ENPP1: variants seen among roughly 807,000 people sequenced by gnomAD.
ENPP1 encodes ectonucleotide pyrophosphatase/phosphodiesterase 1, also known as ectonucleotide pyrophosphatase/phosphodiesterase family member 1.
A neutral mutation model predicts 122.8 loss-of-function variants in ENPP1; 73 were observed. The observed-to-expected ratio is 0.59, with a 90% CI of 0.49 to 0.72. The LOEUF is 0.72. Ranked by LOEUF, ENPP1 falls within the 30% of genes least tolerant of loss-of-function variation. The pLI is 0.00. For missense variants in ENPP1, 978 were observed against 1,128.1 expected (o/e 0.87, Z 1.91); for synonymous variants, 367 against 391.6 (o/e 0.94, Z 0.74).
At chr6:131,812,123 TG>T (rs766140650) in intron 1 of ENPP1, among the ~76,000 whole-genome samples, 4 of 152,216 alleles carry the variant, frequency 2.6e-5, no homozygotes, top group Non-Finnish European at 5.9e-5. Flanking sequence ...CTAGCTATTA[TG>T]ATGAGTTTTT....
At chr6:131,869,219 A>T in intron 12 of ENPP1, 139 bp from the exon 13 acceptor site, 2 of 782,298 alleles carry the variant, frequency 2.6e-6, no homozygotes, top group Non-Finnish European at 4.3e-6. Context: ...ATTCTGTCTT[A>T]CCTATCAGAT....
At chr6:131,887,503 C>T (rs1056551862) in intron 24 of ENPP1, among the ~76,000 whole-genome samples, 1 of 150,242 alleles carries the variant, frequency 6.7e-6, no homozygotes, top group African/African-American at 2.5e-5. Flanking sequence ...CACCATTCTC[C>T]TGCCTCAGCC....
chr6:131,857,193 C>T (rs1391050310), intron 6 of ENPP1, among the ~76,000 whole-genome samples: 3 of 150,732 alleles, frequency 2.0e-5, no homozygotes, highest in African/African-American at 7.4e-5. Flanking sequence ...CACTTTTACA[C>T]TGTTGGTGGG....
chr6:131,890,384 T>C lies in ENPP1; in HGVS notation c.2651T>C (p.Leu884Ser), dbSNP rs1394405439. 6.2e-7 allele frequency: 1 copy of C among 1,613,788 alleles called. No homozygotes were observed. Among genetic ancestry groups the C allele is most frequent in the Non-Finnish European group, 8.5e-7 (1 of 1,179,764 alleles). ...TCATGGGTTGAAGAATTGTTAATGT[T>C]ACACAGAGCACGGATCACAGATGTT... ...DSSWVEELLM[L>S]HRARITDVEH... Residue 884 changes from leucine to serine, a missense_variant, in exon 25 of 25, where the codon TTA becomes TCA. Physicochemically the swap from Leu to Ser is moderately radical, Grantham distance 145. This residue lies in a region of ENPP1 where 644 missense variants were observed against 781.5 expected (regional missense o/e 0.82). Coordinates refer to ENST00000647893, the MANE Select transcript of ENPP1 (RefSeq NM_006208.3).
At chr6:131,836,004 G>A (rs577196581) in intron 1 of ENPP1, among the ~76,000 whole-genome samples, 7 of 152,106 alleles carry the variant, frequency 4.6e-5, no homozygotes, top group Non-Finnish European at 8.8e-5. Context: ...ATTTCGTGTC[G>A]TAATCGTAAA....
intron 13 of ENPP1, among the ~76,000 whole-genome samples, chr6:131,869,854 T>TAA (rs757712283): frequency 1.2e-4 from 12 of 99,042 alleles, no homozygotes; most frequent in Admixed American, 3.4e-4. Context: ...AGACTTGGTC[T>TAA]AAAAAAAAAA....
At chr6:131,872,837 CCT>C in intron 14 of ENPP1, 84 bp from the exon 15 acceptor site, 1 of 1,312,642 alleles carries the variant, frequency 7.6e-7, no homozygotes, top group Non-Finnish European at 1.1e-6. Context: ...AATATCTTTC[CCT>C]AATAAATATC....
Position 131,876,585 on chromosome 6 carries a change from G to A in ENPP1, c.1724-407G>A, listed in dbSNP as rs573666420. Among the ~76,000 whole-genome samples the A allele has an allele frequency of 1.6e-3, 250 of 152,156 alleles. 1 individual carries two copies. Among genetic ancestry groups the A allele is most frequent in the Non-Finnish European group, 2.7e-3 (184 of 68,016 alleles). ...CTTAGACTCAGACAAAGCTGGTTTT[G>A]AATTCTAGATCATTTAGTTAGTAAC... On this transcript the variant is annotated intron_variant, in intron 17 of 24. Coordinates refer to ENST00000647893, the MANE Select transcript of ENPP1 (RefSeq NM_006208.3).
chr6:131,857,416 A>G (rs1781961752), intron 6 of ENPP1, among the ~76,000 whole-genome samples: 1 of 150,480 alleles, frequency 6.6e-6, no homozygotes, highest in African/African-American at 2.5e-5. Flanking sequence ...TCCAACAATG[A>G]TAGACTGGAT....
intron 18 of ENPP1, 33 bp from the exon 19 acceptor site, chr6:131,878,509 A>T (rs1340767992): frequency 1.4e-6 from 2 of 1,385,982 alleles, no homozygotes; most frequent in Non-Finnish European, 2.1e-6. Flanking sequence ...CATGTCTCTC[A>T]GTCCTTAAAA....
chr6:131,872,805 C>T, intron 14 of ENPP1, 118 bp from the exon 15 acceptor site: 3 of 1,019,302 alleles, frequency 2.9e-6, no homozygotes, highest in South Asian at 1.6e-5. Context: ...GAAAAGTTGA[C>T]ACTTTTTATA....
At chr6:131,860,140 A>G (rs1781999566) in intron 7 of ENPP1, among the ~76,000 whole-genome samples, 1 of 152,164 alleles carries the variant, frequency 6.6e-6, no homozygotes, top group Non-Finnish European at 1.5e-5. Context: ...TGCCTTTTTT[A>G]TATAGATCTT....
chr6:131,823,978 G>A (rs144656202), intron 1 of ENPP1, among the ~76,000 whole-genome samples: 63 of 150,480 alleles, frequency 4.2e-4, no homozygotes, highest in African/African-American at 1.4e-3. Context: ...ATGGTAGATC[G>A]GGGTTCAATA....
intron 7 of ENPP1, among the ~76,000 whole-genome samples, chr6:131,859,660 A>C (rs139452924): frequency 0.019 from 2,852 of 152,152 alleles, 106 homozygotes; most frequent in African/African-American, 0.062. Context: ...ATTTGGAAGA[A>C]GGGGTCAGGG....
intron 1 of ENPP1, among the ~76,000 whole-genome samples, chr6:131,833,083 A>G (rs1047699509): frequency 2.0e-5 from 3 of 152,202 alleles, no homozygotes; most frequent in African/African-American, 7.2e-5. Context: ...AGATAATAGA[A>G]ATGGAATTGC....
At chr6:131,866,510 C>A (rs1214730207) in intron 11 of ENPP1, among the ~76,000 whole-genome samples, 1 of 152,186 alleles carries the variant, frequency 6.6e-6, no homozygotes, top group Admixed American at 6.5e-5. Context: ...ATCTTCCCTT[C>A]ATTTCCCTTT....
chr6:131,868,008 C>T lies in ENPP1; in HGVS notation c.1165-10C>T. On this transcript the variant is annotated splice_polypyrimidine_tract_variant and intron_variant, in intron 11 of 24. Transcript: ENST00000647893. ...AGGTATCACATGAGGTTGTTGCTTC[C>T]CATTCTTAGGTCATCAAAGCCTTGC... is the stretch of plus-strand genomic sequence containing the variant. 4 of 1,593,116 alleles carry T rather than the reference C, an allele frequency of 2.5e-6. No individual in the cohort carries two copies. Among genetic ancestry groups the T allele is most frequent in the Non-Finnish European group, 3.4e-6 (4 of 1,161,656 alleles).
At chr6:131,826,121 T>G in intron 1 of ENPP1, 1 of 825,690 alleles carries the variant, frequency 1.2e-6, no homozygotes, top group East Asian at 2.4e-5. Context: ...TCCAGGTAAT[T>G]TCCAATGAAC....
At chr6:131,880,369 C>T (rs149941430) in intron 20 of ENPP1, among the ~76,000 whole-genome samples, 2,112 of 152,124 alleles carry the variant, frequency 0.014, 53 homozygotes, top group African/African-American at 0.049. Flanking sequence ...CGAGACCATC[C>T]TGGCTAACAC....
Sources: allele counts gnomAD v4.1 joint callset (sites outside exome capture counted in the v4.1 genomes callset), GRCh38; gene constraint gnomAD v4.1.1; regional missense constraint gnomAD v4.1.1; transcripts MANE v1.5; gene names NCBI Gene and HGNC (gene_info 2026-07-23, HGNC 2026-07-21).